ARHGAP15: variants seen among roughly 807,000 people sequenced by gnomAD.
The protein encoded by ARHGAP15 is rho GTPase-activating protein 15.
In ARHGAP15, 51 loss-of-function variants were observed where a neutral mutation model predicts 63.7. The ratio of observed to expected loss-of-function variants is 0.80; its 90% CI spans 0.64 to 1.01. The LOEUF (loss-of-function observed/expected upper bound fraction) is 1.01, where lower values mean the gene tolerates loss of function less well. Ranked by LOEUF, ARHGAP15 falls within the 50% of genes least tolerant of loss-of-function variation. ARHGAP15 has a pLI of 0.00. For missense variants in ARHGAP15, 560 were observed against 564.6 expected (o/e 0.99, Z 0.08); for synonymous variants, 191 against 193.8 (o/e 0.99, Z 0.12).
intron 6 of ARHGAP15, among the ~76,000 whole-genome samples, chr2:143,327,262 G>C (rs759720322): frequency 6.6e-6 from 1 of 152,150 alleles, no homozygotes; most frequent in African/African-American, 2.4e-5. Flanking sequence ...CAAACAAATG[G>C]AAAAACATTC....
At chr2:143,614,694 T>C (rs2105224341) in intron 11 of ARHGAP15, among the ~76,000 whole-genome samples, 1 of 152,292 alleles carries the variant, frequency 6.6e-6, no homozygotes, top group Middle Eastern at 3.4e-3. Flanking sequence ...AAAACAAATT[T>C]CTTTGAGACA....
rs985014891 is a variant in ARHGAP15, at chr2:143,656,671, C to T, written c.1138+32404C>T. On this transcript the variant is annotated intron_variant, in intron 12 of 13. Coordinates refer to ENST00000295095, the MANE Select transcript of ARHGAP15 (RefSeq NM_018460.4). Reference sequence around the variant, plus strand: ...AGATCTTGATTGAGAACATTTTATTCCCTTTTCTTTTGAACTTCACTCTGG... The same window carrying T: ...AGATCTTGATTGAGAACATTTTATTTCCTTTTCTTTTGAACTTCACTCTGG... 2.0e-5 allele frequency among the ~76,000 whole-genome samples: 3 copies of T among 152,146 alleles called. No homozygotes were observed. The South Asian group carries it at 6.2e-4, about 32-fold the overall frequency.
chr2:143,494,953 T>G (rs1034564694), intron 9 of ARHGAP15, among the ~76,000 whole-genome samples: 4 of 152,370 alleles, frequency 2.6e-5, no homozygotes, highest in African/African-American at 9.6e-5. Flanking sequence ...CTCAGATTAT[T>G]TGAAAGTATA....
chr2:143,637,319 AT>A (rs1680370229), intron 12 of ARHGAP15, among the ~76,000 whole-genome samples: 1 of 152,070 alleles, frequency 6.6e-6, no homozygotes, highest in Non-Finnish European at 1.5e-5. Context: ...CCTTATTAAT[AT>A]TATACTATTG....
At chr2:143,161,878 G>C (rs974532299) in intron 2 of ARHGAP15, among the ~76,000 whole-genome samples, 3 of 151,874 alleles carry the variant, frequency 2.0e-5, no homozygotes, top group Non-Finnish European at 4.4e-5. Context: ...CAAGGCAGAA[G>C]ATGCGGCCGT....
chr2:143,532,949 G>C (rs1404013445), intron 10 of ARHGAP15, among the ~76,000 whole-genome samples: 2 of 152,112 alleles, frequency 1.3e-5, no homozygotes, highest in Non-Finnish European at 2.9e-5. Flanking sequence ...AACAAAAACA[G>C]GTCACAGTGC....
At chr2:143,683,133 G>A (rs567748671) in intron 12 of ARHGAP15, among the ~76,000 whole-genome samples, 1 of 152,268 alleles carries the variant, frequency 6.6e-6, no homozygotes, top group South Asian at 2.1e-4. Flanking sequence ...TGTAAGGACT[G>A]ATTCTGTGAC....
At chr2:143,587,475 GA>G (rs1697152554) in intron 11 of ARHGAP15, among the ~76,000 whole-genome samples, 1 of 152,100 alleles carries the variant, frequency 6.6e-6, no homozygotes, top group African/African-American at 2.4e-5. Context: ...AATAATCTAT[GA>G]CCTGAGCTCT....
chr2:143,322,166 C>T (rs771719266), intron 6 of ARHGAP15, among the ~76,000 whole-genome samples: 1 of 152,158 alleles, frequency 6.6e-6, no homozygotes, highest in South Asian at 2.1e-4. Flanking sequence ...CCCTGCCACG[C>T]CCAACTGCAG....
At chr2:143,227,403 T>TGTTC (rs1693251858) in intron 4 of ARHGAP15, among the ~76,000 whole-genome samples, 1 of 152,230 alleles carries the variant, frequency 6.6e-6, no homozygotes, top group South Asian at 2.1e-4. Context: ...GCATTGTGGA[T>TGTTC]ACCTTTGTAA....
At chr2:143,469,332 A>C (rs981877312) in intron 8 of ARHGAP15, among the ~76,000 whole-genome samples, 2 of 152,188 alleles carry the variant, frequency 1.3e-5, no homozygotes, top group African/African-American at 2.4e-5. Context: ...CAGAAACCTA[A>C]TGATTGCAGA....
chr2:143,588,480 C>T (rs529751237), intron 11 of ARHGAP15, among the ~76,000 whole-genome samples: 1 of 152,224 alleles, frequency 6.6e-6, no homozygotes, highest in Admixed American at 6.5e-5. Flanking sequence ...TAAGTTCCCT[C>T]CCCTTGCTCC....
At chr2:143,321,654 A>G (rs1490054393) in intron 6 of ARHGAP15, among the ~76,000 whole-genome samples, 1 of 152,280 alleles carries the variant, frequency 6.6e-6, no homozygotes, top group Non-Finnish European at 1.5e-5. Context: ...TACTTCCTCC[A>G]AGGAAGGAGT....
At chr2:143,194,201 ATTG>A (rs1300545466) in intron 2 of ARHGAP15, among the ~76,000 whole-genome samples, 5 of 152,134 alleles carry the variant, frequency 3.3e-5, no homozygotes, top group Non-Finnish European at 5.9e-5. Context: ...AGTTCTTGCT[ATTG>A]TTTTCTGTTG....
chr2:143,486,906 G>T (rs986267858), intron 8 of ARHGAP15, among the ~76,000 whole-genome samples: 1 of 152,092 alleles, frequency 6.6e-6, no homozygotes, highest in Non-Finnish European at 1.5e-5. Flanking sequence ...ATCACTTCAG[G>T]TTAATATAGA....
chr2:143,370,833 A>G (rs1474992544), intron 6 of ARHGAP15, among the ~76,000 whole-genome samples: 1 of 152,160 alleles, frequency 6.6e-6, no homozygotes, highest in Non-Finnish European at 1.5e-5. Context: ...TTCTTTCTCT[A>G]CTATGGTATC....
rs372529843 is a variant in ARHGAP15, at chr2:143,410,102, A to G, written c.475-25499A>G. Among the ~76,000 whole-genome samples, 12 of 152,306 alleles carry G rather than the reference A, an allele frequency of 7.9e-5. No homozygotes were observed. The East Asian group carries it at 1.2e-3, about 15-fold the overall frequency. Reference sequence around the variant, plus strand: ...TCTGAAACCAGTGTTGGTACACATCATTTTGAAGGGTACTATATAAATAAA... The same window carrying G: ...TCTGAAACCAGTGTTGGTACACATCGTTTTGAAGGGTACTATATAAATAAA... On this transcript the variant is annotated intron_variant, in intron 6 of 13. Transcript: ENST00000295095.
chr2:143,149,111 A>G (rs931004274), intron 1 of ARHGAP15, among the ~76,000 whole-genome samples: 1 of 152,012 alleles, frequency 6.6e-6, no homozygotes, highest in Non-Finnish European at 1.5e-5. Context: ...TTCTCGGAGA[A>G]ATACTATTTA....
At chr2:143,438,575 A>G (rs1689720911) in intron 8 of ARHGAP15, among the ~76,000 whole-genome samples, 1 of 152,190 alleles carries the variant, frequency 6.6e-6, no homozygotes, top group Admixed American at 6.5e-5. Flanking sequence ...CAGTTGTGCT[A>G]AGTTGGAGTT....
Sources: gnomAD v4.1 joint callset for allele counts (sites outside exome capture counted in the v4.1 genomes callset) on GRCh38, gnomAD v4.1.1 for gene constraint, MANE v1.5 for transcripts, NCBI Gene and HGNC (gene_info 2026-07-23, HGNC 2026-07-21) for gene names.